Variants in CCNL2 observed in about 807,000 individuals in gnomAD.
CCNL2 encodes the protein cyclin L2, also known as cyclin-L2.
CCNL2 carries 28 observed loss-of-function variants against 59.1 expected under a neutral mutation model. The observed-to-expected ratio is 0.47, with a 90% CI of 0.35 to 0.65. CCNL2 has a LOEUF of 0.65. Among genes scored for constraint, CCNL2 ranks in the 30% least tolerant of loss-of-function variants. The probability of loss-of-function intolerance (pLI) is 0.00; values close to 1 mark genes in which losing one functional copy is unlikely to be tolerated. For synonymous variants in CCNL2, 342 were observed against 288.6 expected, an observed-to-expected ratio of 1.19 and a Z score of -1.88; for missense variants, 714 against 717.4, an observed-to-expected ratio of 1.00 and a Z score of 0.05.
At chr1:1,387,632 G>T in intron 10 of CCNL2, 50 bp from the exon 11 acceptor site, 1 of 1,433,150 alleles carries the variant, frequency 7.0e-7, no homozygotes. Flanking sequence ...GGCCCGGCCA[G>T]GCCCCACACA....
intron 8 of CCNL2, 70 bp from the exon 9 acceptor site, chr1:1,388,135 C>G (rs900691250): frequency 1.2e-5 from 15 of 1,240,982 alleles, no homozygotes; most frequent in Non-Finnish European, 1.8e-5. Flanking sequence ...GTTCGTAGAG[C>G]GAGATAAGGC....
chr1:1,397,260 A>C (rs1570010523), intron 3 of CCNL2, among the ~76,000 whole-genome samples: 1 of 152,084 alleles, frequency 6.6e-6, no homozygotes, highest in Non-Finnish European at 1.5e-5. Flanking sequence ...TGCTGGAGAA[A>C]TTTTACTATT....
rs769130486 is a variant in CCNL2, at chr1:1,392,795, G to GAGGT, written c.659+600_659+601insACCT. The GAGGT allele has an allele frequency of 6.8e-6, 11 of 1,612,682 alleles. No individual in the cohort carries two copies. The South Asian group carries it at 1.2e-4, about 18-fold the overall frequency. On this transcript the variant is annotated intron_variant, in intron 5 of 10. Transcript: ENST00000400809. Reference sequence around the variant, plus strand: ...GAGAAGTCTTAGTCACTTACCCTCAGAGGCTACCCTTTGATTGAAAGAGTA... The same window carrying GAGGT: ...GAGAAGTCTTAGTCACTTACCCTCAGAGGTAGGCTACCCTTTGATTGAAAGAGTA...
At chr1:1,392,746 C>T in intron 5 of CCNL2, 2 of 1,607,426 alleles carry the variant, frequency 1.2e-6, no homozygotes, top group Non-Finnish European at 1.7e-6. Context: ...GCTGTCCCTG[C>T]ACCAAAGCGC....
intron 5 of CCNL2, chr1:1,391,351 C>T (rs1644751055): frequency 8.6e-7 from 1 of 1,167,274 alleles, no homozygotes; most frequent in South Asian, 1.8e-5. Flanking sequence ...ACAAGCCATC[C>T]TCTTGGGTTC....
intron 8 of CCNL2, among the ~76,000 whole-genome samples, chr1:1,389,826 G>A (rs898030902): frequency 6.6e-6 from 1 of 152,066 alleles, no homozygotes; most frequent in African/African-American, 2.4e-5. Flanking sequence ...AGGCGTGGTG[G>A]CGGCCACCTG....
Position 1,399,187 on chromosome 1 carries a change from C to G in CCNL2, c.120G>C (p.Arg40Ser). 6.2e-7 allele frequency: 1 copy of G among 1,610,138 alleles called. No homozygotes were observed. The highest frequency in any genetic ancestry group is 8.5e-7 in the Non-Finnish European group (1 of 1,178,818). The change falls in exon 1 of 11, where the codon AGG (arginine) becomes AGC (serine). Residue 40 changes from arginine to serine, a missense_variant. Around this residue, in one of 5 missense-constraint regions of CCNL2, gnomAD observed 270 missense variants for 254.9 expected, o/e 1.06. Transcript: ENST00000400809. ...SGSQGVLIGD[R>S]LYSGVLITLE... The stretch of plus-strand genomic sequence containing the variant: ...AGGTGATGAGCACCCCGGAGTACAG[C>G]CTGTCCCCGATCAGCACCCCCTGCG...
chr1:1,389,803 C>CA (rs1380974542), intron 8 of CCNL2, among the ~76,000 whole-genome samples: 1 of 151,870 alleles, frequency 6.6e-6, no homozygotes, highest in African/African-American at 2.4e-5. Context: ...ACTAAAAATT[C>CA]AAAAAATTAG....
chr1:1,398,282 G>A lies in CCNL2; in HGVS notation c.424C>T (p.Arg142Trp). ...CGGTGAAACACATTGATGACGTCCC[G>A]TATGCGTCTTGGGGCCTCTTCTATC... ...SKIEEAPRRI[R>W]DVINVFHRLR... The change falls in exon 3 of 11, where the codon CGG (arginine) becomes TGG (tryptophan). Residue 142 changes from arginine to tryptophan, a missense_variant. Arg to Trp is a moderately radical substitution (Grantham distance 101, BLOSUM62 -3). Coordinates refer to ENST00000400809, the MANE Select transcript of CCNL2 (RefSeq NM_030937.6). 6.2e-7 allele frequency: 1 copy of A among 1,614,176 alleles called. No individual in the cohort carries two copies. Among genetic ancestry groups the A allele is most frequent in the Non-Finnish European group, 8.5e-7 (1 of 1,180,028 alleles).
At chr1:1,396,235 G>A (rs1645013368) in intron 3 of CCNL2, among the ~76,000 whole-genome samples, 1 of 149,698 alleles carries the variant, frequency 6.7e-6, no homozygotes, top group African/African-American at 2.5e-5. Flanking sequence ...GCTCACACCT[G>A]TAACCCCAGC....
At chr1:1,387,642 A>C (rs1644527609) in intron 10 of CCNL2, 60 bp from the exon 11 acceptor site, 7 of 1,416,578 alleles carry the variant, frequency 4.9e-6, no homozygotes, top group Middle Eastern at 1.8e-4. Context: ...GGCCCCACAC[A>C]CCCACAGGAG....
rs185005113 is a variant in CCNL2 at position 1,396,493 on chromosome 1, C to T, written c.474-979G>A. Among the ~76,000 whole-genome samples the T allele has an allele frequency of 1.1e-3, 169 of 150,992 alleles. 2 individuals are homozygous for T. Among genetic ancestry groups the T allele is most frequent in the African/African-American group, 3.8e-3 (155 of 41,166 alleles). On this transcript the variant is annotated intron_variant, in intron 3 of 10. Coordinates refer to ENST00000400809, the MANE Select transcript of CCNL2 (RefSeq NM_030937.6). ...GTTGGTCAGGCTGGTCTCGAACTCC[C>T]GACCTCAGATGATCCACCCGCCTTG...
intron 5 of CCNL2, chr1:1,392,258 A>C (rs1644800719): frequency 8.8e-6 from 8 of 905,326 alleles, no homozygotes; most frequent in Non-Finnish European, 1.1e-5. Context: ...CACGAACTTA[A>C]AATTCTTAAA....
rs775543411 is a variant in CCNL2, at chr1:1,387,313, C to T, written c.1481G>A (p.Arg494Gln). 5.9e-5 allele frequency: 95 copies of T among 1,613,928 alleles called. 2 individuals are homozygous for T. The Middle Eastern group carries it at 3.3e-3, about 56-fold the overall frequency. The change falls in exon 11 of 11, where the codon CGA becomes CAA. Residue 494 changes from arginine (R) to glutamine (Q), a missense_variant. This residue lies in a region of CCNL2 where 403 missense variants were observed against 377.7 expected (regional missense o/e 1.07). Coordinates refer to ENST00000400809, the MANE Select transcript of CCNL2 (RefSeq NM_030937.6). ...KKKSHYYRDQ[R>Q]RERSRSYERT... is the part of the protein sequence containing the mutation. ...TTCATACGACCTCGAGCGCTCTCGT[C>T]GCTGATCTCTGTAGTAATGACTTTT...
At chr1:1,393,281 C>A in intron 5 of CCNL2, 115 bp downstream of exon 5, 1 of 828,608 alleles carries the variant, frequency 1.2e-6, no homozygotes, top group Non-Finnish European at 2.1e-6. Context: ...GGCACTCGGA[C>A]AACTCCAGCC....
Position 1,387,188 on chromosome 1 carries a change from C to A in CCNL2, c.*43G>T, listed in dbSNP as rs779234010. Reference sequence around the variant, plus strand: ...GGTCAAAGGGCAGCCATCAGGTACTCCCCAGGGAAGGGCTTGCGGCCACCA... The same window carrying A: ...GGTCAAAGGGCAGCCATCAGGTACTACCCAGGGAAGGGCTTGCGGCCACCA... On this transcript the variant is annotated 3_prime_UTR_variant, in exon 11 of 11. Transcript: ENST00000400809. 1 of 1,531,218 alleles carries A rather than the reference C, an allele frequency of 6.5e-7. No homozygotes were observed. The allele number at this position is 1,531,218 out of a possible 1,614,324, so 94.9% of individuals were successfully genotyped here.
chr1:1,396,849 C>G (rs941874180), intron 3 of CCNL2, among the ~76,000 whole-genome samples: 3 of 150,564 alleles, frequency 2.0e-5, no homozygotes, highest in Admixed American at 2.0e-4. Context: ...CCCGGGTTCA[C>G]GCCATTCTCC....
rs766026340 is a variant in CCNL2 at position 1,399,094 on chromosome 1, G to A, written c.213C>T (p.Thr71=). ...CCACGCGGAGGTCGGTCTCTGTGTC[G>A]GTGTCGAGGCCGCTCGACATGGACG... The part of the protein sequence containing the change: ...FTPSMSSGLD[T]DTETDLRVVG... The change falls in exon 1 of 11, where the codon ACC becomes ACT. Residue 71 remains threonine (T), a synonymous_variant. Coordinates refer to ENST00000400809, the MANE Select transcript of CCNL2 (RefSeq NM_030937.6). 2.5e-6 allele frequency: 4 copies of A among 1,611,756 alleles called. No homozygotes were observed.
intron 5 of CCNL2, chr1:1,391,614 A>T: frequency 8.4e-7 from 1 of 1,188,924 alleles, no homozygotes; most frequent in Non-Finnish European, 1.1e-6. Context: ...GCAACACAAT[A>T]CTGAGAAGCA....
Sources: gnomAD v4.1 joint callset for allele counts (sites outside exome capture counted in the v4.1 genomes callset) on GRCh38, gnomAD v4.1.1 for gene constraint, gnomAD v4.1.1 regional missense constraint, MANE v1.5 for transcripts, NCBI Gene and HGNC (gene_info 2026-07-23, HGNC 2026-07-21) for gene names.